The following CHRM3 variants were observed in gnomAD, a reference collection of about 807,000 sequenced individuals.
The protein encoded by CHRM3 is muscarinic acetylcholine receptor M3.
A neutral mutation model predicts 41.8 loss-of-function variants in CHRM3; 11 were observed. The observed-to-expected ratio is 0.26, with a 90% CI of 0.17 to 0.44. The LOEUF is 0.44. CHRM3 is among the 20% of genes least tolerant of loss of function. CHRM3 has a pLI of 1.00. For missense variants in CHRM3, 571 were observed against 745.4 expected (o/e 0.77, Z 2.72); for synonymous variants, 297 against 301.4 (o/e 0.99, Z 0.15).
At chr1:239,842,545 C>A (rs1014931831) in intron 6 of CHRM3, among the ~76,000 whole-genome samples, 3 of 152,042 alleles carry the variant, frequency 2.0e-5, no homozygotes, top group African/African-American at 7.2e-5. Context: ...GCCCTTCTTT[C>A]TTAATGATGA....
chr1:239,532,555 G>A (rs1488714675), intron 2 of CHRM3, among the ~76,000 whole-genome samples: 1 of 150,890 alleles, frequency 6.6e-6, no homozygotes, highest in African/African-American at 2.4e-5. Flanking sequence ...AACCCGGGAG[G>A]CAGAGGTTGC....
chr1:239,877,301 T>A (rs1287595940), intron 6 of CHRM3, among the ~76,000 whole-genome samples: 1 of 152,086 alleles, frequency 6.6e-6, no homozygotes, highest in Non-Finnish European at 1.5e-5. Context: ...TTTAAAAGCA[T>A]AAAATGGCAG....
At chr1:239,485,876 T>C (rs947370697) in intron 1 of CHRM3, among the ~76,000 whole-genome samples, 3 of 152,212 alleles carry the variant, frequency 2.0e-5, no homozygotes, top group Admixed American at 6.5e-5. Flanking sequence ...CTCCTTGCAA[T>C]GTTATTTTCA....
At chr1:239,783,717 CTTTTA>C (rs908732925) in intron 5 of CHRM3, among the ~76,000 whole-genome samples, 8 of 152,092 alleles carry the variant, frequency 5.3e-5, no homozygotes, top group African/African-American at 1.9e-4. Context: ...TTTCTTTCAA[CTTTTA>C]TTTTAGGTTC....
intron 4 of CHRM3, among the ~76,000 whole-genome samples, chr1:239,661,216 C>T (rs7355205): frequency 1.3e-5 from 2 of 152,128 alleles, no homozygotes; most frequent in Non-Finnish European, 2.9e-5. Context: ...TGTGATTACC[C>T]TTTTGTTACT....
chr1:239,721,696 C>G (rs1199563479), intron 5 of CHRM3, among the ~76,000 whole-genome samples: 4 of 151,768 alleles, frequency 2.6e-5, no homozygotes, highest in Non-Finnish European at 5.9e-5. Flanking sequence ...GAAAATTCAT[C>G]ATGGAATAGC....
chr1:239,488,288 T>C (rs1667318593), intron 1 of CHRM3, among the ~76,000 whole-genome samples: 1 of 152,166 alleles, frequency 6.6e-6, no homozygotes, highest in African/African-American at 2.4e-5. Context: ...ACTCCCCTCC[T>C]GGAATGATTT....
chr1:239,480,738 T>TTG (rs1666794641), intron 1 of CHRM3, among the ~76,000 whole-genome samples: 2 of 151,900 alleles, frequency 1.3e-5, no homozygotes, highest in African/African-American at 4.8e-5. Flanking sequence ...TTGTACTTTT[T>TTG]TAGTAGAGAC....
chr1:239,584,028 C>A (rs1663160024), intron 3 of CHRM3, among the ~76,000 whole-genome samples: 2 of 152,106 alleles, frequency 1.3e-5, no homozygotes, highest in Non-Finnish European at 2.9e-5. Flanking sequence ...CACCTCCTCC[C>A]AGACTTTGTT....
rs552017799 is a variant in CHRM3, at chr1:239,910,199, C to T, written c.*975C>T. The stretch of plus-strand genomic sequence containing the variant: ...GCTCAAAGAATGAACCACATCCACA[C>T]GTTTGAATTTAATCATCTAAATCTG... On this transcript the variant is annotated 3_prime_UTR_variant, in exon 7 of 7. Coordinates refer to ENST00000676153, the MANE Select transcript of CHRM3 (RefSeq NM_001375978.1). 2.1e-4 allele frequency: 35 copies of T among 166,970 alleles called. No individual in the cohort carries two copies. Among genetic ancestry groups the T allele is most frequent in the African/African-American group, 8.2e-4 (34 of 41,484 alleles). 10.3% of individuals were successfully genotyped at this position (166,970 alleles called of 1,614,324 possible). A position where few individuals can be genotyped will look rare whatever the true frequency, so the allele number is the denominator to read the frequency against.
At chr1:239,709,535 G>A (rs1340776518) in intron 5 of CHRM3, among the ~76,000 whole-genome samples, 1 of 152,110 alleles carries the variant, frequency 6.6e-6, no homozygotes, top group Non-Finnish European at 1.5e-5. Flanking sequence ...TTCCAGCTAG[G>A]ACAGTGCTGC....
chr1:239,390,471 C>T lies in CHRM3; in HGVS notation c.-521+3244C>T, dbSNP rs560725262. Among the ~76,000 whole-genome samples the T allele has an allele frequency of 2.6e-5, 4 of 152,284 alleles. No homozygotes were observed. The South Asian group carries it at 8.3e-4, about 32-fold the overall frequency. The stretch of plus-strand genomic sequence containing the variant: ...GGTGTCTGAAAGGCCCTATCTTCTC[C>T]ATTAGGGAATATATCTTTGTTCAGA... On this transcript the variant is annotated intron_variant, in intron 1 of 6. Transcript: ENST00000676153.
chr1:239,523,156 A>G (rs1013983940), intron 2 of CHRM3, among the ~76,000 whole-genome samples: 3 of 152,172 alleles, frequency 2.0e-5, no homozygotes, highest in Admixed American at 1.3e-4. Context: ...CTACATATGT[A>G]GATAATATAT....
chr1:239,641,611 T>A (rs1448621104), intron 4 of CHRM3, among the ~76,000 whole-genome samples: 1 of 147,282 alleles, frequency 6.8e-6, no homozygotes, highest in Non-Finnish European at 1.5e-5. Context: ...TGTTTTCCAT[T>A]TGCTTGGTAG....
In CHRM3 at chr1:239,839,488, C is replaced by G. The variant is rs1304847500; in HGVS notation, c.-20+12110C>G. On this transcript the variant is annotated intron_variant, in intron 6 of 6. Transcript: ENST00000676153. Reference sequence around the variant, plus strand: ...GTAGGAATAGTAACTTCGAGTCATACAGTACCAGGCAAGAGAGCTTCAACT... The same window carrying G: ...GTAGGAATAGTAACTTCGAGTCATAGAGTACCAGGCAAGAGAGCTTCAACT... 3.3e-5 allele frequency among the ~76,000 whole-genome samples: 5 copies of G among 152,144 alleles called. No individual in the cohort carries two copies. The East Asian group carries it at 9.6e-4, about 29-fold the overall frequency.
chr1:239,754,814 T>C (rs1666110542), intron 5 of CHRM3, among the ~76,000 whole-genome samples: 1 of 152,100 alleles, frequency 6.6e-6, no homozygotes, highest in African/African-American at 2.4e-5. Context: ...AAATTTCAAA[T>C]TCATGAGTTA....
intron 5 of CHRM3, among the ~76,000 whole-genome samples, chr1:239,819,669 G>A (rs933827047): frequency 3.9e-5 from 6 of 152,194 alleles, no homozygotes; most frequent in African/African-American, 1.4e-4. Flanking sequence ...AAAGAAGCTC[G>A]TATGGTAAAA....
intron 2 of CHRM3, among the ~76,000 whole-genome samples, chr1:239,527,520 A>G (rs1194014861): frequency 2.0e-5 from 3 of 152,124 alleles, no homozygotes; most frequent in Non-Finnish European, 1.5e-5. Context: ...ATGACTTGCC[A>G]TGTGCTGTTT....
intron 1 of CHRM3, among the ~76,000 whole-genome samples, chr1:239,437,861 T>C (rs77350447): frequency 0.016 from 2,420 of 152,282 alleles, 88 homozygotes; most frequent in African/African-American, 0.055. Flanking sequence ...GGCCAAACTG[T>C]CTAAACTGGA....
Sources: gnomAD v4.1 joint callset for allele counts (sites outside exome capture counted in the v4.1 genomes callset) on GRCh38, gnomAD v4.1.1 for gene constraint, MANE v1.5 for transcripts, NCBI Gene and HGNC (gene_info 2026-07-23, HGNC 2026-07-21) for gene names.